HADHB: variants seen among roughly 807,000 people sequenced by gnomAD.
HADHB encodes trifunctional enzyme subunit beta, mitochondrial.
HADHB carries 50 observed loss-of-function variants against 61.9 expected under a neutral mutation model. The observed-to-expected ratio is 0.81, with a 90% CI of 0.64 to 1.02. HADHB has a LOEUF of 1.02. HADHB is among the 50% of genes least tolerant of loss of function. HADHB has a pLI of 0.00. For missense variants in HADHB, 504 were observed against 586.5 expected (o/e 0.86, Z 1.45); for synonymous variants, 191 against 201.6 (o/e 0.95, Z 0.45).
intron 1 of HADHB, among the ~76,000 whole-genome samples, chr2:26,253,481 C>G (rs1671482750): frequency 6.6e-6 from 1 of 152,118 alleles, no homozygotes; most frequent in Admixed American, 6.5e-5. Flanking sequence ...GTTTTATTAT[C>G]ACGCCTAGCA....
At chr2:26,250,092 C>T (rs1452310851) in intron 1 of HADHB, among the ~76,000 whole-genome samples, 4 of 152,042 alleles carry the variant, frequency 2.6e-5, no homozygotes, top group Non-Finnish European at 4.4e-5. Flanking sequence ...CTGCAACCTC[C>T]GCCTCCCGGG....
intron 6 of HADHB, 84 bp downstream of exon 6, chr2:26,273,834 G>A: frequency 2.6e-6 from 2 of 779,744 alleles, no homozygotes; most frequent in South Asian, 2.9e-5. Context: ...CTTTACAAAA[G>A]CCTTTAAAAT....
chr2:26,245,137 A>G (rs935686016), intron 1 of HADHB, 147 bp downstream of exon 1: 27 of 216,372 alleles, frequency 1.2e-4, no homozygotes, highest in Non-Finnish European at 1.9e-5. Flanking sequence ...CTCCTCGGAC[A>G]AGGTCGGCAG....
chr2:26,278,404 G>A (rs1672644396), intron 7 of HADHB, among the ~76,000 whole-genome samples: 1 of 152,222 alleles, frequency 6.6e-6, no homozygotes, highest in East Asian at 1.9e-4. Flanking sequence ...CATATGGCAG[G>A]AATGAAACTT....
intron 10 of HADHB, among the ~76,000 whole-genome samples, chr2:26,282,520 A>G (rs1401417557): frequency 1.3e-5 from 2 of 151,956 alleles, no homozygotes; most frequent in Non-Finnish European, 2.9e-5. Flanking sequence ...CAGCCTCCCA[A>G]AGTGCTGGGA....
intron 1 of HADHB, among the ~76,000 whole-genome samples, chr2:26,250,081 A>G (rs1351982251): frequency 1.3e-5 from 2 of 152,104 alleles, no homozygotes; most frequent in Non-Finnish European, 2.9e-5. Context: ...ATCTTGGCTC[A>G]CTGCAACCTC....
chr2:26,245,961 C>T (rs1433416294), intron 1 of HADHB, among the ~76,000 whole-genome samples: 1 of 152,152 alleles, frequency 6.6e-6, no homozygotes, highest in African/African-American at 2.4e-5. Context: ...ACTGACAGCT[C>T]TGCAGGACAG....
chr2:26,252,541 C>G (rs760311340), intron 1 of HADHB, among the ~76,000 whole-genome samples: 1 of 152,130 alleles, frequency 6.6e-6, no homozygotes, highest in Non-Finnish European at 1.5e-5. Context: ...TATACTGATA[C>G]AAGGAAATGT....
intron 5 of HADHB, among the ~76,000 whole-genome samples, chr2:26,273,207 G>T (rs556551992): frequency 6.6e-6 from 1 of 151,524 alleles, no homozygotes; most frequent in Non-Finnish European, 1.5e-5. Context: ...TCAATCATTT[G>T]TTGATACTGA....
chr2:26,261,212 A>ACT lies in HADHB; in HGVS notation c.110-2167_110-2166insTC, dbSNP rs1553319419. On this transcript the variant is annotated intron_variant, in intron 3 of 15. Coordinates refer to ENST00000317799, the MANE Select transcript of HADHB (RefSeq NM_000183.3). The stretch of plus-strand genomic sequence containing the variant: ...CCAAAACAACAACAACACAACAAAT[A>ACT]CCCCCCCCCCATCCAGACAAACAAA... 210 of 371,116 alleles carry ACT rather than the reference A, an allele frequency of 5.7e-4. 3 individuals are homozygous for ACT. Among genetic ancestry groups the ACT allele is most frequent in the African/African-American group, 4.2e-3 (189 of 45,538 alleles). 23.0% of individuals were successfully genotyped at this position (371,116 alleles called of 1,614,324 possible). A position where few individuals can be genotyped will look rare whatever the true frequency, so the allele number is the denominator to read the frequency against.
chr2:26,270,095 T>C, intron 5 of HADHB, 98 bp downstream of exon 5: 1 of 841,536 alleles, frequency 1.2e-6, no homozygotes, highest in East Asian at 2.4e-5. Flanking sequence ...TTTAGCCATC[T>C]GTACTATACA....
At chr2:26,261,138 G>T in intron 3 of HADHB, 6 of 783,008 alleles carry the variant, frequency 7.7e-6, no homozygotes, top group Non-Finnish European at 1.3e-5. Flanking sequence ...TTCCCCTTTG[G>T]CAGGGACTGT....
chr2:26,284,855 G>T, intron 13 of HADHB, 28 bp from the exon 14 acceptor site: 5 of 1,124,200 alleles, frequency 4.4e-6, no homozygotes, highest in Non-Finnish European at 6.8e-6. Context: ...GAATAACGAG[G>T]TTCTTATTCG....
At chr2:26,264,707 T>TA (rs1459951878) in intron 4 of HADHB, among the ~76,000 whole-genome samples, 2 of 151,792 alleles carry the variant, frequency 1.3e-5, no homozygotes, top group African/African-American at 4.8e-5. Flanking sequence ...TATATTTTCT[T>TA]ACAGAAGTAA....
At chr2:26,256,125 G>T (rs1033517860) in intron 3 of HADHB, among the ~76,000 whole-genome samples, 2 of 152,306 alleles carry the variant, frequency 1.3e-5, no homozygotes, top group Middle Eastern at 3.4e-3. Flanking sequence ...TGTATAACAT[G>T]GTGTTCCGCA....
chr2:26,262,855 A>G (rs1671918336), intron 3 of HADHB, among the ~76,000 whole-genome samples: 1 of 152,188 alleles, frequency 6.6e-6, no homozygotes, highest in African/African-American at 2.4e-5. Context: ...CATTGGATAT[A>G]AGCTTTGTTT....
In HADHB at chr2:26,260,888, C is replaced by T. The variant is rs115288623; in HGVS notation, c.110-2492C>T. On this transcript the variant is annotated intron_variant, in intron 3 of 15. Coordinates refer to ENST00000317799, the MANE Select transcript of HADHB (RefSeq NM_000183.3). Reference sequence around the variant, plus strand: ...CTTATGGTTTACAAACTCTGGCTTACGAATGACATCAGTTTACCATCAACC... The same window carrying T: ...CTTATGGTTTACAAACTCTGGCTTATGAATGACATCAGTTTACCATCAACC... 690 of 648,650 alleles carry T rather than the reference C, an allele frequency of 1.1e-3. 4 individuals carry two copies. The highest frequency in any genetic ancestry group is 1.6e-3 in the South Asian group (88 of 54,326). 40.2% of individuals were successfully genotyped at this position (648,650 alleles called of 1,614,324 possible). A position where few individuals can be genotyped will look rare whatever the true frequency, so the allele number is the denominator to read the frequency against.
chr2:26,264,452 A>G (rs1339444331), intron 4 of HADHB, among the ~76,000 whole-genome samples: 2 of 143,780 alleles, frequency 1.4e-5, no homozygotes, highest in Non-Finnish European at 3.0e-5. Context: ...CAGGAGGCTG[A>G]GGTGGGAGGA....
At chr2:26,271,089 G>T (rs1299563306) in intron 5 of HADHB, among the ~76,000 whole-genome samples, 1 of 150,194 alleles carries the variant, frequency 6.7e-6, no homozygotes, top group Non-Finnish European at 1.5e-5. Context: ...TAGAGACGGG[G>T]TTTCACTGTG....
Sources: allele counts gnomAD v4.1 joint callset (sites outside exome capture counted in the v4.1 genomes callset), GRCh38; gene constraint gnomAD v4.1.1; transcripts MANE v1.5; gene names NCBI Gene and HGNC (gene_info 2026-07-23, HGNC 2026-07-21).